SLC41A2: variants seen among roughly 807,000 people sequenced by gnomAD.
SLC41A2 encodes the protein SLC41A1-like 1.
A neutral mutation model predicts 58.3 loss-of-function variants in SLC41A2; 32 were observed. The ratio of observed to expected loss-of-function variants is 0.55; its 90% CI spans 0.41 to 0.74. The LOEUF is 0.74. Among genes scored for constraint, SLC41A2 ranks in the 30% least tolerant of loss-of-function variants. The pLI is 0.00. For missense variants in SLC41A2, 514 were observed against 680.6 expected (o/e 0.76, Z 2.72); for synonymous variants, 190 against 235.0 (o/e 0.81, Z 1.75).
intron 10 of SLC41A2, among the ~76,000 whole-genome samples, chr12:104,808,181 C>G (rs1282558559): frequency 2.0e-5 from 3 of 152,144 alleles, no homozygotes; most frequent in African/African-American, 7.2e-5. Context: ...TTTGCCCATT[C>G]AGTATGATAT....
chr12:104,883,083 T>A (rs1351762912), intron 6 of SLC41A2, among the ~76,000 whole-genome samples: 2 of 152,226 alleles, frequency 1.3e-5, no homozygotes, highest in African/African-American at 4.8e-5. Context: ...CTTCAATCAC[T>A]GATACCCTTT....
At chr12:104,831,770 T>C (rs1364836426) in intron 10 of SLC41A2, among the ~76,000 whole-genome samples, 4 of 152,206 alleles carry the variant, frequency 2.6e-5, no homozygotes, top group African/African-American at 9.7e-5. Context: ...TACTTATTTA[T>C]ATCTAACATA....
At chr12:104,847,504 C>A (rs1321360021) in intron 8 of SLC41A2, among the ~76,000 whole-genome samples, 1 of 150,586 alleles carries the variant, frequency 6.6e-6, no homozygotes, top group Non-Finnish European at 1.5e-5. Flanking sequence ...ACCCCGGAGG[C>A]TGAGGCAGGC....
At chr12:104,892,599 A>C (rs2045065345) in intron 4 of SLC41A2, among the ~76,000 whole-genome samples, 1 of 152,184 alleles carries the variant, frequency 6.6e-6, no homozygotes, top group Admixed American at 6.5e-5. Flanking sequence ...ACATTACCTG[A>C]CTTCAAATTA....
chr12:104,908,159 G>A (rs1457862123), intron 3 of SLC41A2, among the ~76,000 whole-genome samples: 1 of 152,164 alleles, frequency 6.6e-6, no homozygotes, highest in Non-Finnish European at 1.5e-5. Flanking sequence ...CAGCTACTTG[G>A]GAGGCTGAGG....
intron 6 of SLC41A2, among the ~76,000 whole-genome samples, chr12:104,873,635 T>C (rs2043896842): frequency 6.6e-6 from 1 of 152,198 alleles, no homozygotes; most frequent in Admixed American, 6.5e-5. Flanking sequence ...CCAATTTACA[T>C]TTCTACCAAG....
Position 104,845,853 on chromosome 12 carries a change from G to A in SLC41A2, c.1377C>T (p.Phe459=). 1 of 1,612,456 alleles carries A rather than the reference G, an allele frequency of 6.2e-7. No individual in the cohort carries two copies. Among genetic ancestry groups the A allele is most frequent in the Non-Finnish European group, 8.5e-7 (1 of 1,179,014 alleles). ...PKGCYYPFRT[F]FGPGVNNKSA... The stretch of plus-strand genomic sequence containing the variant: ...TCCATAAGCACATACCTGGACCAAA[G>A]AAAGTTCTAAATGGGTAGTAACAAC... Residue 459 remains phenylalanine, a synonymous_variant, in exon 9 of 11, where the codon TTC becomes TTT. Coordinates refer to ENST00000258538, the MANE Select transcript of SLC41A2 (RefSeq NM_001352171.3).
At chr12:104,935,936 G>A (rs533971411) in intron 1 of SLC41A2, among the ~76,000 whole-genome samples, 3 of 152,140 alleles carry the variant, frequency 2.0e-5, no homozygotes, top group East Asian at 1.9e-4. Flanking sequence ...TCAGCTACTC[G>A]GGAGGCTGAA....
chr12:104,931,393 C>CAA (rs2047049057), intron 1 of SLC41A2, among the ~76,000 whole-genome samples: 3 of 152,084 alleles, frequency 2.0e-5, no homozygotes. Flanking sequence ...ACAAATGGCT[C>CAA]AAGGAGGATC....
chr12:104,861,019 T>G (rs2043195278), intron 8 of SLC41A2, among the ~76,000 whole-genome samples: 1 of 152,168 alleles, frequency 6.6e-6, no homozygotes, highest in African/African-American at 2.4e-5. Flanking sequence ...TGAAATATAT[T>G]TTGCCACATT....
At chr12:104,894,223 G>A (rs750779971) in intron 4 of SLC41A2, among the ~76,000 whole-genome samples, 3 of 151,900 alleles carry the variant, frequency 2.0e-5, no homozygotes, top group Admixed American at 6.6e-5. Context: ...GCGTGGTGGC[G>A]CGTACCTGTA....
chr12:104,861,206 T>G, intron 8 of SLC41A2, 85 bp downstream of exon 8: 2 of 949,016 alleles, frequency 2.1e-6, no homozygotes, highest in Non-Finnish European at 3.1e-6. Context: ...CTCTTGAATC[T>G]GAGCCCTAAG....
chr12:104,867,093 T>C (rs1230495731), intron 6 of SLC41A2, among the ~76,000 whole-genome samples: 1 of 152,108 alleles, frequency 6.6e-6, no homozygotes, highest in Non-Finnish European at 1.5e-5. Context: ...TAAAGGTAAA[T>C]AGGATATTAT....
chr12:104,905,455 T>C (rs2045789842), intron 3 of SLC41A2, among the ~76,000 whole-genome samples: 1 of 152,238 alleles, frequency 6.6e-6, no homozygotes, highest in African/African-American at 2.4e-5. Flanking sequence ...CTTCACCTAG[T>C]GGATCCCGCA....
chr12:104,919,506 C>A (rs566897113), intron 2 of SLC41A2, among the ~76,000 whole-genome samples: 2 of 152,322 alleles, frequency 1.3e-5, no homozygotes, highest in South Asian at 4.1e-4. Context: ...CTAACTCCAT[C>A]CAGTGTTGTC....
chr12:104,931,778 C>T (rs1179827441), intron 1 of SLC41A2: 1 of 152,216 alleles, frequency 6.6e-6, no homozygotes, highest in Non-Finnish European at 1.5e-5. Context: ...AAGCCGTCTA[C>T]ATGAGAAGAG....
chr12:104,923,121 G>A (rs1219108564), intron 2 of SLC41A2, among the ~76,000 whole-genome samples: 1 of 150,098 alleles, frequency 6.7e-6, no homozygotes, highest in Admixed American at 6.7e-5. Flanking sequence ...CCAGCACTTT[G>A]GGAGGCCGAG....
chr12:104,938,790 T>C (rs1341487087), intron 1 of SLC41A2, among the ~76,000 whole-genome samples: 2 of 149,758 alleles, frequency 1.3e-5, no homozygotes, highest in Non-Finnish European at 3.0e-5. Flanking sequence ...ACTTAAAAAG[T>C]ATATGTTTTA....
intron 2 of SLC41A2, among the ~76,000 whole-genome samples, chr12:104,924,199 A>G (rs1387394901): frequency 6.6e-6 from 1 of 152,248 alleles, no homozygotes; most frequent in African/African-American, 2.4e-5. Flanking sequence ...AGAAATCTCT[A>G]TTAAAACGAC....
Sources: allele counts gnomAD v4.1 joint callset (sites outside exome capture counted in the v4.1 genomes callset), GRCh38; gene constraint gnomAD v4.1.1; transcripts MANE v1.5; gene names NCBI Gene and HGNC (gene_info 2026-07-23, HGNC 2026-07-21).